PCDH7: variants seen among roughly 807,000 people sequenced by gnomAD.
PCDH7 encodes protocadherin-7.
In PCDH7, 17 loss-of-function variants were observed where a neutral mutation model predicts 58.9. The observed-to-expected ratio is 0.29, with a 90% CI of 0.20 to 0.43. PCDH7 has a LOEUF of 0.43. Ranked by LOEUF, PCDH7 falls within the 20% of genes least tolerant of loss-of-function variation. The pLI is 1.00. For missense variants in PCDH7, 1,274 were observed against 1,441.0 expected, an observed-to-expected ratio of 0.88 and a Z score of 1.88; for synonymous variants, 664 against 616.4, an observed-to-expected ratio of 1.08 and a Z score of -1.14.
intron 1 of PCDH7, among the ~76,000 whole-genome samples, chr4:30,847,344 C>T (rs1179496639): frequency 6.6e-6 from 1 of 152,066 alleles, no homozygotes; most frequent in Admixed American, 6.6e-5. Context: ...AGGGCTGATT[C>T]AAACTAGTTG....
At chr4:30,982,128 C>T (rs1168436561) in intron 3 of PCDH7, among the ~76,000 whole-genome samples, 1 of 152,030 alleles carries the variant, frequency 6.6e-6, no homozygotes, top group Non-Finnish European at 1.5e-5. Flanking sequence ...CTCAATTGAG[C>T]CATTCTACTA....
At chr4:30,973,881 T>G (rs948457857) in intron 3 of PCDH7, among the ~76,000 whole-genome samples, 14 of 152,154 alleles carry the variant, frequency 9.2e-5, no homozygotes, top group African/African-American at 3.4e-4. Context: ...TGAAATTTGG[T>G]GGAAGATGGT....
intron 3 of PCDH7, among the ~76,000 whole-genome samples, chr4:31,008,859 ATTTTCAACTTCAGTTCTTTT>A (rs1285519899): frequency 6.6e-6 from 1 of 152,012 alleles, no homozygotes; most frequent in African/African-American, 2.4e-5. Context: ...TATTTCTTCT[ATTTTCAACTTCAGTTCTTTT>A]TTTTCCACTG....
chr4:30,802,440 T>C (rs1725641669), intron 1 of PCDH7, among the ~76,000 whole-genome samples: 1 of 151,464 alleles, frequency 6.6e-6, no homozygotes, highest in African/African-American at 2.4e-5. Context: ...GAAAATTTGG[T>C]AGGTTTGTGG....
At chr4:31,055,418 G>A (rs1403986944) in intron 3 of PCDH7, among the ~76,000 whole-genome samples, 4 of 151,918 alleles carry the variant, frequency 2.6e-5, no homozygotes, top group Non-Finnish European at 5.9e-5. Flanking sequence ...CAAAAGCTTT[G>A]GTAGTAATAG....
At chr4:31,135,362 T>C (rs1332475441) in intron 3 of PCDH7, among the ~76,000 whole-genome samples, 4 of 152,140 alleles carry the variant, frequency 2.6e-5, no homozygotes, top group Non-Finnish European at 2.9e-5. Flanking sequence ...CCCTTGAATT[T>C]TGAGCAACCA....
At chr4:30,913,626 A>C (rs964509070) in intron 1 of PCDH7, among the ~76,000 whole-genome samples, 1 of 152,148 alleles carries the variant, frequency 6.6e-6, no homozygotes, top group African/African-American at 2.4e-5. Flanking sequence ...ATAGAGATGC[A>C]ATTTTACGAA....
chr4:31,038,520 T>A (rs1755596224), intron 3 of PCDH7, among the ~76,000 whole-genome samples: 2 of 152,206 alleles, frequency 1.3e-5, no homozygotes, highest in African/African-American at 4.8e-5. Flanking sequence ...AAATAGAGTT[T>A]ACTGCTGTCT....
At position 31,054,769 on chromosome 4, in the gene PCDH7, G is replaced by A. The variant is rs117824942; in HGVS notation, c.*8-87704G>A. On this transcript the variant is annotated intron_variant, in intron 3 of 3. Transcript: ENST00000509759. ...AACAGGTGTGCTAATATCTGGTCTA[G>A]TATGACCTCAGTTCTTTTTTGTTGG... 1.7e-3 allele frequency among the ~76,000 whole-genome samples: 263 copies of A among 152,258 alleles called. 7 individuals are homozygous for A. The East Asian group carries it at 0.043, about 25-fold the overall frequency.
chr4:30,931,343 A>G (rs1744558717), intron 2 of PCDH7, among the ~76,000 whole-genome samples: 1 of 152,178 alleles, frequency 6.6e-6, no homozygotes, highest in Non-Finnish European at 1.5e-5. Context: ...TGGGAGGCCC[A>G]GGCTGGTGGA....
At chr4:31,096,519 T>C (rs544921866) in intron 3 of PCDH7, among the ~76,000 whole-genome samples, 39 of 152,326 alleles carry the variant, frequency 2.6e-4, no homozygotes, top group Non-Finnish European at 3.8e-4. Context: ...AGTTTCTTTT[T>C]GTAGCATGTA....
chr4:30,826,397 A>G (rs1232319728), intron 1 of PCDH7, among the ~76,000 whole-genome samples: 1 of 152,100 alleles, frequency 6.6e-6, no homozygotes, highest in Admixed American at 6.6e-5. Context: ...ATATGCTTTT[A>G]AAAAATGCAT....
At chr4:30,782,594 A>G (rs1722941360) in intron 1 of PCDH7, among the ~76,000 whole-genome samples, 1 of 152,238 alleles carries the variant, frequency 6.6e-6, no homozygotes. Context: ...ACAGCAAAGC[A>G]TGCAAATTTA....
At position 30,721,741 on chromosome 4, in the gene PCDH7, G is replaced by A; in HGVS notation, c.319G>A (p.Glu107Lys). ...GTGTCAGATGATCTTCGACGAGAAC[G>A]AGTGCTTCCTGGACTTCGAGGTGTC... Residue 107 changes from glutamate (E) to lysine (K), a missense_variant, in exon 1 of 2, where the codon GAG becomes AAG. Physicochemically the swap from Glu to Lys is moderately conservative, Grantham distance 56 (BLOSUM62 1). Transcript: ENST00000361762. This position sits in a 1 kb window ranked among gnomAD's most constrained non-coding sequence, Gnocchi z 6.7. The A allele has an allele frequency of 6.2e-7, 1 of 1,613,958 alleles. No individual in the cohort carries two copies. Among genetic ancestry groups the A allele is most frequent in the Non-Finnish European group, 8.5e-7 (1 of 1,180,020 alleles).
At chr4:30,947,776 G>A (rs907624284) in intron 2 of PCDH7, among the ~76,000 whole-genome samples, 28 of 152,114 alleles carry the variant, frequency 1.8e-4, no homozygotes, top group South Asian at 1.5e-3. Flanking sequence ...ATTCTGCAGT[G>A]GTAGAGAACA....
At chr4:30,976,023 CA>C (rs1333416368) in intron 3 of PCDH7, among the ~76,000 whole-genome samples, 1 of 152,170 alleles carries the variant, frequency 6.6e-6, no homozygotes, top group Non-Finnish European at 1.5e-5. Flanking sequence ...CATCACTTCA[CA>C]ATTAGGATTT....
chr4:31,002,560 G>A (rs185194128), intron 3 of PCDH7, among the ~76,000 whole-genome samples: 76 of 152,306 alleles, frequency 5.0e-4, no homozygotes, highest in Non-Finnish European at 9.0e-4. Context: ...ACTTGAATAG[G>A]AATGGAGATG....
exon 3 of PCDH7, chr4:30,950,186 T>C (rs552261865): frequency 7.2e-5 from 11 of 152,354 alleles, no homozygotes; most frequent in African/African-American, 1.9e-4. Context: ...GGAAGAAGAG[T>C]GCTGTTAAGG....
At chr4:31,016,461 A>G (rs1229029965) in intron 3 of PCDH7, among the ~76,000 whole-genome samples, 1 of 148,572 alleles carries the variant, frequency 6.7e-6, no homozygotes, top group Admixed American at 6.8e-5. Context: ...GGGAAAGGCC[A>G]TCATCTAAAC....
Sources: allele counts gnomAD v4.1 joint callset (sites outside exome capture counted in the v4.1 genomes callset), GRCh38; gene constraint gnomAD v4.1.1; non-coding constraint Gnocchi (gnomAD v3.1); transcripts MANE v1.5; gene names NCBI Gene and HGNC (gene_info 2026-07-23, HGNC 2026-07-21).